Variants in EIF2AK3 observed in about 807,000 individuals in gnomAD.
The protein encoded by EIF2AK3 is eukaryotic translation initiation factor 2 alpha kinase 3.
A neutral mutation model predicts 113.5 loss-of-function variants in EIF2AK3; 50 were observed. The observed-to-expected ratio is 0.44, with a 90% CI of 0.35 to 0.56. EIF2AK3 has a LOEUF of 0.56. Ranked by LOEUF, EIF2AK3 falls within the 20% of genes least tolerant of loss-of-function variation. The pLI, the probability that EIF2AK3 is intolerant of heterozygous loss-of-function variation, is 0.00. For missense variants in EIF2AK3, 1,185 were observed against 1,378.0 expected, an observed-to-expected ratio of 0.86 and a Z score of 2.22; for synonymous variants, 448 against 495.4, an observed-to-expected ratio of 0.90 and a Z score of 1.27.
intron 11 of EIF2AK3, among the ~76,000 whole-genome samples, chr2:88,577,945 G>T (rs1674504217): frequency 6.6e-6 from 1 of 152,152 alleles, no homozygotes; most frequent in Non-Finnish European, 1.5e-5. Flanking sequence ...TTCATGAGAA[G>T]CTATTAATAT....
chr2:88,606,107 T>C (rs980833012), intron 2 of EIF2AK3, among the ~76,000 whole-genome samples: 2 of 152,112 alleles, frequency 1.3e-5, no homozygotes, highest in African/African-American at 4.8e-5. Flanking sequence ...TGATAACAAT[T>C]GTTTAATTCT....
At chr2:88,619,016 G>A (rs1361608845) in intron 1 of EIF2AK3, among the ~76,000 whole-genome samples, 2 of 118,514 alleles carry the variant, frequency 1.7e-5, no homozygotes, top group African/African-American at 6.6e-5. Context: ...TTTTTTTTTT[G>A]GGGGGACGGA....
Position 88,590,440 on chromosome 2 carries a change from C to G in EIF2AK3, c.1165+3G>C. 1 of 1,613,344 alleles carries G rather than the reference C, an allele frequency of 6.2e-7. No homozygotes were observed. The highest frequency in any genetic ancestry group is 8.5e-7 in the Non-Finnish European group (1 of 1,179,532). On this transcript the variant is annotated splice_donor_region_variant and intron_variant, in intron 6 of 16. Transcript: ENST00000303236. The stretch of plus-strand genomic sequence containing the variant: ...TATCGTTAGATAAGATACATTTACT[C>G]ACCCAAGTAAACACTGTTTTCTGTG...
intron 14 of EIF2AK3, among the ~76,000 whole-genome samples, chr2:88,568,336 T>C (rs940198963): frequency 6.6e-6 from 1 of 152,222 alleles, no homozygotes; most frequent in African/African-American, 2.4e-5. Flanking sequence ...AATTTTTCAC[T>C]GTGTTGACAT....
chr2:88,585,570 A>C (rs1370572746), intron 9 of EIF2AK3, among the ~76,000 whole-genome samples: 1 of 152,200 alleles, frequency 6.6e-6, no homozygotes, highest in African/African-American at 2.4e-5. Flanking sequence ...AAGCATCCAC[A>C]TCACACCCAA....
At position 88,595,638 on chromosome 2, in the gene EIF2AK3, G is replaced by A; in HGVS notation, c.464C>T (p.Pro155Leu). The A allele has an allele frequency of 6.2e-7, 1 of 1,613,924 alleles. No individual in the cohort carries two copies. The highest frequency in any genetic ancestry group is 8.5e-7 in the Non-Finnish European group (1 of 1,179,920). Reference protein sequence around the residue: ...PEVFGNKMIIPSLDGALFQWD... With the variant: ...PEVFGNKMIILSLDGALFQWD... ...CTGGAAGAGGGCTCCATCCAGGGAA[G>A]GAATGATCATCTTATTCCCAAATAC... Residue 155 changes from proline (P) to leucine (L), a missense_variant, in exon 3 of 17, where the codon CCT becomes CTT. By Grantham distance (98) the Pro-to-Leu change is moderately conservative. This residue lies in a region of EIF2AK3 where 119 missense variants were observed against 178.7 expected (regional missense o/e 0.67). Coordinates refer to ENST00000303236, the MANE Select transcript of EIF2AK3 (RefSeq NM_004836.7).
chr2:88,625,326 C>CACACAA (rs1202293982), intron 1 of EIF2AK3, among the ~76,000 whole-genome samples: 2 of 130,798 alleles, frequency 1.5e-5, no homozygotes, highest in African/African-American at 5.3e-5. Flanking sequence ...CACACACACA[C>CACACAA]AGACATACAC....
intron 7 of EIF2AK3, among the ~76,000 whole-genome samples, chr2:88,588,459 A>G (rs1674794743): frequency 1.3e-5 from 2 of 152,192 alleles, no homozygotes; most frequent in South Asian, 4.1e-4. Flanking sequence ...CAGTCTTAAT[A>G]TAAGTATGTT....
intron 10 of EIF2AK3, chr2:88,580,033 C>T (rs1674558259): frequency 4.1e-6 from 1 of 241,838 alleles, no homozygotes; most frequent in South Asian, 4.9e-5. Flanking sequence ...GTGTTTTTAT[C>T]TTAGCTAATT....
At chr2:88,563,973 G>GAT (rs1674033917) in intron 14 of EIF2AK3, among the ~76,000 whole-genome samples, 4 of 152,108 alleles carry the variant, frequency 2.6e-5, no homozygotes, top group South Asian at 2.1e-4. Flanking sequence ...AGGACAGATA[G>GAT]ATATATAATG....
At chr2:88,606,866 C>T (rs1443222313) in intron 2 of EIF2AK3, among the ~76,000 whole-genome samples, 1 of 152,088 alleles carries the variant, frequency 6.6e-6, no homozygotes, top group South Asian at 2.1e-4. Flanking sequence ...AACAGAAAGG[C>T]GGTGTCCCTT....
intron 16 of EIF2AK3, among the ~76,000 whole-genome samples, chr2:88,558,631 C>T (rs1317795852): frequency 6.6e-6 from 1 of 152,200 alleles, no homozygotes; most frequent in African/African-American, 2.4e-5. Context: ...AAAATGAACA[C>T]ATACTAACTC....
chr2:88,600,913 G>A (rs572408305), intron 2 of EIF2AK3, among the ~76,000 whole-genome samples: 8 of 152,124 alleles, frequency 5.3e-5, no homozygotes, highest in Non-Finnish European at 1.2e-4. Flanking sequence ...ACTTTTTGGA[G>A]TACATTCAAC....
At chr2:88,565,343 CTTTT>C (rs61470556) in intron 14 of EIF2AK3, among the ~76,000 whole-genome samples, 1 of 124,386 alleles carries the variant, frequency 8.0e-6, no homozygotes, top group African/African-American at 3.0e-5. Context: ...GCCAAAAAAA[CTTTT>C]TTTTTTTTTT....
At chr2:88,617,348 G>A (rs1300697680) in intron 1 of EIF2AK3, among the ~76,000 whole-genome samples, 3 of 152,144 alleles carry the variant, frequency 2.0e-5, no homozygotes, top group Non-Finnish European at 2.9e-5. Flanking sequence ...GCAACATGGA[G>A]GGAGCTGGAA....
At position 88,598,451 on chromosome 2, in the gene EIF2AK3, T is replaced by A. The variant is rs1490949263; in HGVS notation, c.439-2788A>T. On this transcript the variant is annotated intron_variant, in intron 2 of 16. Transcript: ENST00000303236. The stretch of plus-strand genomic sequence containing the variant: ...GTAAAAATCATCAATGAGAGTTAGA[T>A]GCCCTGAGAGAGACTGCATCACCTA... 6.6e-5 allele frequency among the ~76,000 whole-genome samples: 10 copies of A among 152,290 alleles called. No homozygotes were observed. The East Asian group carries it at 1.9e-3, about 29-fold the overall frequency.
chr2:88,594,049 G>T, intron 3 of EIF2AK3: 1 of 559,792 alleles, frequency 1.8e-6, no homozygotes, highest in Non-Finnish European at 2.3e-6. Context: ...GGCCAGATAG[G>T]ATGGCATGGC....
intron 15 of EIF2AK3, among the ~76,000 whole-genome samples, chr2:88,560,971 A>G (rs888195188): frequency 6.6e-6 from 1 of 152,142 alleles, no homozygotes; most frequent in Non-Finnish European, 1.5e-5. Flanking sequence ...GAGGGTAGCT[A>G]CTTATGAAAG....
Position 88,593,149 on chromosome 2 carries a change from T to C in EIF2AK3, c.767+123A>G, listed in dbSNP as rs545463952. ...AGAGCAAGACTCCGTATCAAAAAAA[T>C]ATATATATATATGCTTTTAAGGCAA... On this transcript the variant is annotated intron_variant, in intron 4 of 16. Transcript: ENST00000303236. The C allele has an allele frequency of 1.1e-5, 9 of 814,872 alleles. No individual in the cohort carries two copies. In the South Asian group the frequency reaches 1.2e-4, roughly 11 times the overall value. 50.5% of individuals were successfully genotyped at this position (814,872 alleles called of 1,614,324 possible). A position where few individuals can be genotyped will look rare whatever the true frequency, so the allele number is the denominator to read the frequency against.
Sources: allele counts gnomAD v4.1 joint callset (sites outside exome capture counted in the v4.1 genomes callset), GRCh38; gene constraint gnomAD v4.1.1; regional missense constraint gnomAD v4.1.1; transcripts MANE v1.5; gene names NCBI Gene and HGNC (gene_info 2026-07-23, HGNC 2026-07-21).